PBX3: variants seen among roughly 807,000 people sequenced by gnomAD.
The protein encoded by PBX3 is pre-B-cell leukemia transcription factor 3.
Under a neutral mutation model 48.5 loss-of-function variants are expected in PBX3, and 14 were observed. The ratio of observed to expected loss-of-function variants is 0.29; its 90% CI spans 0.19 to 0.45. The LOEUF (loss-of-function observed/expected upper bound fraction) is 0.45, where lower values mean the gene tolerates loss of function less well. Among genes scored for constraint, PBX3 ranks in the 20% least tolerant of loss-of-function variants. The probability of loss-of-function intolerance (pLI) is 1.00; values close to 1 mark genes in which losing one functional copy is unlikely to be tolerated. For synonymous variants in PBX3, 210 were observed against 200.3 expected, an observed-to-expected ratio of 1.05 and a Z score of -0.41; for missense variants, 386 against 546.7, an observed-to-expected ratio of 0.71 and a Z score of 2.93.
chr9:125,879,077 C>CTTT (rs36094728), intron 2 of PBX3, among the ~76,000 whole-genome samples: 18 of 124,604 alleles, frequency 1.4e-4, no homozygotes, highest in South Asian at 2.6e-4. Flanking sequence ...ACATGCTATT[C>CTTT]TTTTTTTTTT....
chr9:125,924,292 T>C (rs1297780121), intron 3 of PBX3, among the ~76,000 whole-genome samples: 1 of 152,228 alleles, frequency 6.6e-6, no homozygotes, highest in African/African-American at 2.4e-5. Context: ...GCAAACTCAC[T>C]ATGGGCTTGA....
intron 2 of PBX3, chr9:125,749,666 TC>T (rs1330210313): frequency 6.6e-6 from 1 of 151,826 alleles, no homozygotes; most frequent in African/African-American, 2.4e-5. Context: ...TATAGCACTA[TC>T]CAAGGGAGGC....
intron 2 of PBX3, among the ~76,000 whole-genome samples, chr9:125,850,624 T>G: frequency 6.6e-6 from 1 of 152,158 alleles, no homozygotes; most frequent in Middle Eastern, 3.4e-3. Context: ...ATTAGAAATT[T>G]TAAAGATTTA....
chr9:125,884,898 TATC>T (rs1218755548), intron 2 of PBX3, among the ~76,000 whole-genome samples: 9 of 152,174 alleles, frequency 5.9e-5, no homozygotes, highest in African/African-American at 1.9e-4. Context: ...TAGAGAGAAG[TATC>T]ATTATGACTT....
chr9:125,834,096 G>A (rs1464383079), intron 2 of PBX3, among the ~76,000 whole-genome samples: 2 of 152,164 alleles, frequency 1.3e-5, no homozygotes, highest in Non-Finnish European at 2.9e-5. Context: ...CAAATATGCT[G>A]CCCTGAAAGA....
intron 4 of PBX3, among the ~76,000 whole-genome samples, chr9:125,934,457 CAA>C: frequency 6.6e-6 from 1 of 152,112 alleles, no homozygotes; most frequent in African/African-American, 2.4e-5. Context: ...TGAATTCTGA[CAA>C]ATGATAATTT....
At chr9:125,751,434 C>T (rs556767755) in intron 2 of PBX3, among the ~76,000 whole-genome samples, 28 of 152,284 alleles carry the variant, frequency 1.8e-4, no homozygotes, top group African/African-American at 6.5e-4. Flanking sequence ...TCTGTTTCCC[C>T]CTCTACCATA....
At chr9:125,748,064 C>A (rs1339022138) in intron 1 of PBX3, 1 of 204,954 alleles carries the variant, frequency 4.9e-6, no homozygotes, top group Non-Finnish European at 8.6e-6. Context: ...CGGGCGGCCA[C>A]CCGGGCCCGG....
intron 2 of PBX3, among the ~76,000 whole-genome samples, chr9:125,762,816 C>G (rs1236704458): frequency 6.6e-6 from 1 of 151,912 alleles, no homozygotes; most frequent in Non-Finnish European, 1.5e-5. Flanking sequence ...CGATCTAAAG[C>G]GGTCAAAAAA....
At chr9:125,923,104 G>C (rs1466325255) in intron 3 of PBX3, among the ~76,000 whole-genome samples, 1 of 152,240 alleles carries the variant, frequency 6.6e-6, no homozygotes. Context: ...TTAATAAGTT[G>C]TGAGACATTC....
chr9:125,760,462 A>G lies in PBX3; in HGVS notation c.274+11839A>G, dbSNP rs116926727. ...CTGATGTAAGGGTTTCATACAGTGG[A>G]CAAATTCATTTTGCTTGTAGAATTT... On this transcript the variant is annotated intron_variant, in intron 2 of 8. Coordinates refer to ENST00000373489, the MANE Select transcript of PBX3 (RefSeq NM_006195.6). Among the ~76,000 whole-genome samples, 513 of 152,268 alleles carry G rather than the reference A, an allele frequency of 3.4e-3. 1 individual carries two copies. The highest frequency in any genetic ancestry group is 5.4e-3 in the Non-Finnish European group (370 of 68,014).
chr9:125,950,697 G>A (rs766072413), intron 5 of PBX3, among the ~76,000 whole-genome samples: 13 of 152,072 alleles, frequency 8.5e-5, no homozygotes, highest in Non-Finnish European at 1.6e-4. Flanking sequence ...GGCCAGGCTG[G>A]TCTCAAACTC....
intron 2 of PBX3, among the ~76,000 whole-genome samples, chr9:125,859,029 C>A (rs1362666606): frequency 2.0e-5 from 3 of 152,020 alleles, no homozygotes; most frequent in Admixed American, 1.3e-4. Context: ...CAGCTTCTGC[C>A]CATAGACAAG....
intron 2 of PBX3, among the ~76,000 whole-genome samples, chr9:125,784,429 A>G (rs533250144): frequency 6.6e-6 from 1 of 152,292 alleles, no homozygotes; most frequent in South Asian, 2.1e-4. Context: ...GCACCCAGCC[A>G]GGTTTTGTGA....
chr9:125,909,418 A>T (rs1841151377), intron 2 of PBX3, among the ~76,000 whole-genome samples: 1 of 152,210 alleles, frequency 6.6e-6, no homozygotes, highest in South Asian at 2.1e-4. Context: ...ATGTTTTCAA[A>T]TAAATGAACT....
chr9:125,962,145 C>A lies in PBX3; in HGVS notation c.1053C>A (p.Phe351Leu). ...SFNLPNSGDM[F>L]MNMQSLNGDS... The stretch of plus-strand genomic sequence containing the variant: ...ACCTCCCAAATTCTGGGGACATGTT[C>A]ATGAACATGCAGAGTCTGAATGGGG... The change falls in exon 7 of 9, where the codon TTC (phenylalanine) becomes TTA (leucine). Residue 351 changes from phenylalanine to leucine, a missense_variant. This residue lies in a region of PBX3 where 127 missense variants were observed against 143.3 expected (regional missense o/e 0.89). Transcript: ENST00000373489. 4 of 1,612,986 alleles carry A rather than the reference C, an allele frequency of 2.5e-6. No homozygotes were observed. The highest frequency in any genetic ancestry group is 1.7e-5 in the Admixed American group (1 of 60,006).
chr9:125,858,853 G>T (rs1322701387), intron 2 of PBX3, among the ~76,000 whole-genome samples: 4 of 152,004 alleles, frequency 2.6e-5, no homozygotes, highest in Non-Finnish European at 5.9e-5. Context: ...CTTGAACTCC[G>T]GATGTCAGGC....
intron 2 of PBX3, among the ~76,000 whole-genome samples, chr9:125,832,514 A>C (rs148367918): frequency 6.6e-6 from 1 of 152,280 alleles, no homozygotes; most frequent in East Asian, 1.9e-4. Context: ...TCAGATAACA[A>C]TTGACTACTG....
intron 2 of PBX3, among the ~76,000 whole-genome samples, chr9:125,854,306 G>T (rs1217590453): frequency 6.7e-6 from 1 of 149,906 alleles, no homozygotes; most frequent in East Asian, 2.0e-4. Flanking sequence ...TGATTTTTGT[G>T]TTTTTTTTTG....
Sources: allele counts gnomAD v4.1 joint callset (sites outside exome capture counted in the v4.1 genomes callset), GRCh38; gene constraint gnomAD v4.1.1; regional missense constraint gnomAD v4.1.1; transcripts MANE v1.5; gene names NCBI Gene and HGNC (gene_info 2026-07-23, HGNC 2026-07-21).